Variants in FHIT observed in about 807,000 individuals in gnomAD.
FHIT encodes bis(5'-adenosyl)-triphosphatase.
Under a neutral mutation model 17.9 loss-of-function variants are expected in FHIT, and 19 were observed. The observed-to-expected ratio is 1.06, with a 90% CI of 0.74 to 1.56. The LOEUF is 1.56. FHIT is among the 40% of genes most tolerant of loss of function. FHIT has a pLI of 0.00. For synonymous variants in FHIT, 81 were observed against 69.7 expected (o/e 1.16, Z -0.81); for missense variants, 248 against 189.2 (o/e 1.31, Z -1.82).
intron 4 of FHIT, among the ~76,000 whole-genome samples, chr3:60,650,199 T>C (rs2039959065): frequency 6.6e-6 from 1 of 152,216 alleles, no homozygotes; most frequent in East Asian, 1.9e-4. Flanking sequence ...AAACCCATGT[T>C]CTCTGCTTAA....
At chr3:59,779,001 T>C (rs1326745077) in intron 8 of FHIT, among the ~76,000 whole-genome samples, 1 of 152,168 alleles carries the variant, frequency 6.6e-6, no homozygotes, top group Non-Finnish European at 1.5e-5. Context: ...CTATACCAGA[T>C]GGTGGACCTG....
At chr3:61,179,699 C>T (rs1460851774) in intron 2 of FHIT, among the ~76,000 whole-genome samples, 1 of 122,628 alleles carries the variant, frequency 8.2e-6, no homozygotes, top group African/African-American at 3.1e-5. Context: ...CAGAGCAAGA[C>T]CCTATCTCAA....
intron 1 of FHIT, among the ~76,000 whole-genome samples, chr3:61,209,716 AT>A (rs1456040409): frequency 2.0e-5 from 3 of 151,758 alleles, no homozygotes; most frequent in South Asian, 4.2e-4. Context: ...CATTCATCTA[AT>A]TTTTTTTCAA....
intron 5 of FHIT, among the ~76,000 whole-genome samples, chr3:60,480,951 G>T (rs1325243560): frequency 1.3e-5 from 2 of 152,202 alleles, no homozygotes; most frequent in Non-Finnish European, 2.9e-5. Context: ...GGGACTCTGT[G>T]TGGGGACTCT....
intron 3 of FHIT, among the ~76,000 whole-genome samples, chr3:60,920,566 G>A (rs1169669927): frequency 6.6e-6 from 1 of 151,932 alleles, no homozygotes; most frequent in Non-Finnish European, 1.5e-5. Flanking sequence ...AAACATAAAA[G>A]GAGTTAACTA....
intron 8 of FHIT, among the ~76,000 whole-genome samples, chr3:59,873,768 T>A (rs987550967): frequency 2.0e-5 from 3 of 152,094 alleles, no homozygotes; most frequent in Middle Eastern, 3.2e-3. Context: ...TGGTCTAGGG[T>A]GGCGCCCAAT....
chr3:61,232,204 C>T (rs983040726), intron 1 of FHIT, among the ~76,000 whole-genome samples: 1 of 151,850 alleles, frequency 6.6e-6, no homozygotes, highest in African/African-American at 2.4e-5. Context: ...GCCAACATGG[C>T]GAAACCCTGT....
intron 5 of FHIT, among the ~76,000 whole-genome samples, chr3:60,378,714 C>T (rs7653872): frequency 0.63 from 95,672 of 152,120 alleles, 30,191 homozygotes; most frequent in East Asian, 0.69. Flanking sequence ...GCTTTTTTGT[C>T]TTCTAAAAAA....
intron 5 of FHIT, among the ~76,000 whole-genome samples, chr3:60,361,822 T>G (rs1327685428): frequency 6.6e-6 from 1 of 152,212 alleles, no homozygotes; most frequent in Non-Finnish European, 1.5e-5. Flanking sequence ...TAAAGGAGGA[T>G]AAATCTTTTT....
chr3:59,929,915 G>A (rs573119679), intron 7 of FHIT, among the ~76,000 whole-genome samples: 27 of 151,178 alleles, frequency 1.8e-4, no homozygotes, highest in African/African-American at 3.9e-4. Flanking sequence ...AAGCAAGGAT[G>A]AGAGTGCAAG....
intron 7 of FHIT, among the ~76,000 whole-genome samples, chr3:59,942,163 T>C (rs1310172927): frequency 6.6e-6 from 1 of 152,214 alleles, no homozygotes; most frequent in Non-Finnish European, 1.5e-5. Flanking sequence ...ACACTTGGTT[T>C]CTCTGACCTT....
intron 7 of FHIT, among the ~76,000 whole-genome samples, chr3:59,987,734 A>C (rs1389264090): frequency 6.6e-6 from 1 of 151,996 alleles, no homozygotes; most frequent in Non-Finnish European, 1.5e-5. Context: ...ATTTGAAAGA[A>C]GAGTTTGGGG....
At chr3:61,022,207 C>T (rs914876794) in intron 3 of FHIT, among the ~76,000 whole-genome samples, 1 of 151,276 alleles carries the variant, frequency 6.6e-6, no homozygotes, top group South Asian at 2.1e-4. Context: ...TCAGAGAATA[C>T]ATAAACACCT....
rs1708713621 is a variant in FHIT, at chr3:60,948,034, G to A, written c.-111+94013C>T. Among the ~76,000 whole-genome samples the A allele has an allele frequency of 3.3e-5, 5 of 152,148 alleles. No individual in the cohort carries two copies. In the South Asian group the frequency reaches 1.0e-3, roughly 32 times the overall value. On this transcript the variant is annotated intron_variant, in intron 3 of 9. Transcript: ENST00000492590. ...AATATATAATTAAGATAAAGCCTCT[G>A]TAGGGTTACTCAGCACAACACTATA...
At chr3:60,200,275 T>G (rs1353630337) in intron 5 of FHIT, among the ~76,000 whole-genome samples, 3 of 152,126 alleles carry the variant, frequency 2.0e-5, no homozygotes, top group Admixed American at 2.0e-4. Context: ...TTCCCTTCTC[T>G]GCATCCCCTT....
intron 8 of FHIT, among the ~76,000 whole-genome samples, chr3:59,842,050 A>G (rs1009153652): frequency 1.3e-5 from 2 of 152,122 alleles, no homozygotes; most frequent in Non-Finnish European, 2.9e-5. Flanking sequence ...TACCCATTAA[A>G]TAACAACTCC....
chr3:59,916,654 G>A (rs901255815), intron 8 of FHIT, among the ~76,000 whole-genome samples: 1 of 152,138 alleles, frequency 6.6e-6, no homozygotes, highest in Non-Finnish European at 1.5e-5. Context: ...GTAATAATCT[G>A]ACATAGGATA....
chr3:60,357,360 C>T (rs541925683), intron 5 of FHIT, among the ~76,000 whole-genome samples: 32 of 152,074 alleles, frequency 2.1e-4, no homozygotes, highest in Admixed American at 2.1e-3. Context: ...ATTACAGGCA[C>T]CCATTCTTGA....
intron 3 of FHIT, among the ~76,000 whole-genome samples, chr3:60,963,947 C>T (rs1709587651): frequency 6.6e-6 from 1 of 152,150 alleles, no homozygotes; most frequent in South Asian, 2.1e-4. Flanking sequence ...TCTATTAGGT[C>T]CACCTGCTGC....
Sources: allele counts gnomAD v4.1 joint callset (sites outside exome capture counted in the v4.1 genomes callset), GRCh38; gene constraint gnomAD v4.1.1; transcripts MANE v1.5; gene names NCBI Gene and HGNC (gene_info 2026-07-23, HGNC 2026-07-21).